PDE1C: variants seen among roughly 807,000 people sequenced by gnomAD.
The protein encoded by PDE1C is dual specificity calcium/calmodulin-dependent 3',5'-cyclic nucleotide phosphodiesterase 1C.
PDE1C carries 62 observed loss-of-function variants against 93.1 expected under a neutral mutation model. That is an observed-to-expected ratio of 0.67 (90% CI 0.54 to 0.82). PDE1C has a LOEUF of 0.82. PDE1C is among the 40% of genes least tolerant of loss of function. The pLI is 0.00. For missense variants in PDE1C, 742 were observed against 884.6 expected (o/e 0.84, Z 2.04); for synonymous variants, 325 against 310.1 (o/e 1.05, Z -0.50).
At chr7:32,022,963 CT>C (rs113917693) in intron 2 of PDE1C, among the ~76,000 whole-genome samples, 34,082 of 144,206 alleles carry the variant, frequency 0.24, 4,331 homozygotes, top group African/African-American at 0.36. Context: ...CCTTCTATTT[CT>C]TTTTTTTTTT....
chr7:31,802,961 T>C (rs1403816385), intron 16 of PDE1C, among the ~76,000 whole-genome samples: 1 of 151,702 alleles, frequency 6.6e-6, no homozygotes, highest in Non-Finnish European at 1.5e-5. Flanking sequence ...TTTCATCATC[T>C]GACAAAATTA....
chr7:32,229,089 G>A (rs1807501892), intron 1 of PDE1C, among the ~76,000 whole-genome samples: 1 of 152,230 alleles, frequency 6.6e-6, no homozygotes, highest in African/African-American at 2.4e-5. Context: ...TTGTAAGGGA[G>A]AGGTGCTTTG....
chr7:32,227,657 A>G (rs1279737717), intron 1 of PDE1C, among the ~76,000 whole-genome samples: 1 of 152,042 alleles, frequency 6.6e-6, no homozygotes, highest in Non-Finnish European at 1.5e-5. Flanking sequence ...TAGAATCCAA[A>G]CCCTATGTGC....
the PDE1C span, among the ~76,000 whole-genome samples, chr7:31,640,920 T>C: frequency 1.3e-5 from 2 of 152,212 alleles, no homozygotes; most frequent in East Asian, 3.8e-4. Flanking sequence ...TTAGTTTTGT[T>C]TGAGGCTGAA....
chr7:32,078,766 A>C (rs1563291964), intron 3 of PDE1C, among the ~76,000 whole-genome samples: 1 of 151,980 alleles, frequency 6.6e-6, no homozygotes, highest in African/African-American at 2.4e-5. Context: ...CTCTACAAAA[A>C]ATTTTTAAAA....
chr7:32,281,861 T>C (rs539637154), intron 1 of PDE1C, among the ~76,000 whole-genome samples: 2 of 152,318 alleles, frequency 1.3e-5, no homozygotes, highest in African/African-American at 4.8e-5. Context: ...GATGAGTTCA[T>C]GTCCTTTCTA....
chr7:31,835,549 T>TGC (rs1554358105), intron 11 of PDE1C, among the ~76,000 whole-genome samples: 4 of 148,576 alleles, frequency 2.7e-5, no homozygotes, highest in African/African-American at 9.8e-5. Flanking sequence ...TGTGTGTGTG[T>TGC]GTGTGTGCGT....
intron 3 of PDE1C, among the ~76,000 whole-genome samples, chr7:32,098,363 G>A (rs569102870): frequency 1.3e-5 from 2 of 151,904 alleles, no homozygotes; most frequent in South Asian, 2.1e-4. Flanking sequence ...ATATGACCTT[G>A]GCGAGCCTTT....
chr7:31,633,624 C>T, the PDE1C span, among the ~76,000 whole-genome samples: 1 of 152,226 alleles, frequency 6.6e-6, no homozygotes, highest in Non-Finnish European at 1.5e-5. Context: ...ATTTATGCCA[C>T]CTGCCCAGCT....
At chr7:32,206,801 C>T (rs936182292) in intron 2 of PDE1C, among the ~76,000 whole-genome samples, 1 of 152,232 alleles carries the variant, frequency 6.6e-6, no homozygotes, top group Non-Finnish European at 1.5e-5. Context: ...GTGATAGATG[C>T]CATTCTCAAA....
chr7:32,049,910 T>A (rs903084576), intron 2 of PDE1C, among the ~76,000 whole-genome samples: 1 of 152,206 alleles, frequency 6.6e-6, no homozygotes, highest in Non-Finnish European at 1.5e-5. Flanking sequence ...TTAGGCAATA[T>A]TGACATTGTG....
chr7:31,967,331 C>T (rs1810166901), intron 2 of PDE1C, among the ~76,000 whole-genome samples: 1 of 152,196 alleles, frequency 6.6e-6, no homozygotes, highest in Non-Finnish European at 1.5e-5. Context: ...ACCATAAACA[C>T]CTCTACACAA....
chr7:31,987,052 T>C (rs1412402852), intron 2 of PDE1C, among the ~76,000 whole-genome samples: 1 of 152,148 alleles, frequency 6.6e-6, no homozygotes, highest in Non-Finnish European at 1.5e-5. Flanking sequence ...GAGTCAGAAC[T>C]ACTTGAATTC....
exon 1 of PDE1C, chr7:32,298,950 C>T: frequency 7.6e-7 from 1 of 1,311,994 alleles, no homozygotes; most frequent in Non-Finnish European, 9.7e-7. Context: ...TCGGCGGAGG[C>T]AGGAGCCGTC....
At chr7:31,726,159 C>G in the PDE1C span, among the ~76,000 whole-genome samples, 1 of 152,170 alleles carries the variant, frequency 6.6e-6, no homozygotes, top group African/African-American at 2.4e-5. Flanking sequence ...GCCTCAAACT[C>G]TTGGACCCAA....
the PDE1C span, among the ~76,000 whole-genome samples, chr7:31,685,849 C>G: frequency 6.6e-6 from 1 of 152,164 alleles, no homozygotes; most frequent in Admixed American, 6.5e-5. Flanking sequence ...CTCATCTCTT[C>G]CCAGGAGGTC....
chr7:31,851,549 T>G (rs1793347227), intron 7 of PDE1C, among the ~76,000 whole-genome samples: 1 of 152,214 alleles, frequency 6.6e-6, no homozygotes, highest in Non-Finnish European at 1.5e-5. Flanking sequence ...CTATCGCTTC[T>G]GTAAACCATC....
chr7:32,349,483 A>G (rs1250225541), intron 1 of PDE1C, among the ~76,000 whole-genome samples: 3 of 152,206 alleles, frequency 2.0e-5, no homozygotes, highest in Admixed American at 6.5e-5. Flanking sequence ...TCACTTGGAA[A>G]CGTGTGGGCT....
the PDE1C span, among the ~76,000 whole-genome samples, chr7:31,635,922 C>T: frequency 6.6e-6 from 1 of 152,040 alleles, no homozygotes; most frequent in Non-Finnish European, 1.5e-5. Context: ...CACACATACC[C>T]TGGAACTTAA....
Sources: gnomAD v4.1 joint callset for allele counts (sites outside exome capture counted in the v4.1 genomes callset) on GRCh38, gnomAD v4.1.1 for gene constraint, MANE v1.5 for transcripts, NCBI Gene and HGNC (gene_info 2026-07-23, HGNC 2026-07-21) for gene names.